Variants in GRM8 observed in about 807,000 individuals in gnomAD.
GRM8 encodes metabotropic glutamate receptor 8.
A neutral mutation model predicts 87.2 loss-of-function variants in GRM8; 47 were observed. The ratio of observed to expected loss-of-function variants is 0.54; its 90% CI spans 0.43 to 0.69. The LOEUF (loss-of-function observed/expected upper bound fraction) is 0.69. Among genes scored for constraint, GRM8 ranks in the 30% least tolerant of loss-of-function variants. GRM8 has a pLI of 0.00. For synonymous variants in GRM8, 396 were observed against 404.5 expected (o/e 0.98, Z 0.25); for missense variants, 1,019 against 1,139.2 (o/e 0.89, Z 1.52).
chr7:126,445,898 T>C (rs1801964045), intron 10 of GRM8, among the ~76,000 whole-genome samples: 1 of 151,988 alleles, frequency 6.6e-6, no homozygotes, highest in Non-Finnish European at 1.5e-5. Context: ...AATGTCATGC[T>C]TTGTAAAAGA....
At chr7:126,647,333 AG>A (rs1803249610) in intron 7 of GRM8, among the ~76,000 whole-genome samples, 3 of 65,262 alleles carry the variant, frequency 4.6e-5, no homozygotes, top group African/African-American at 1.3e-4. Context: ...ATAGATAGAT[AG>A]ATAGATAGAT....
chr7:127,004,711 A>T (rs1814091605), intron 3 of GRM8, among the ~76,000 whole-genome samples: 1 of 151,654 alleles, frequency 6.6e-6, no homozygotes, highest in Non-Finnish European at 1.5e-5. Flanking sequence ...ATACATATAA[A>T]CACAGAGAGA....
chr7:127,217,380 G>C (rs1288277946), intron 2 of GRM8, among the ~76,000 whole-genome samples: 1 of 152,176 alleles, frequency 6.6e-6, no homozygotes, highest in Non-Finnish European at 1.5e-5. Flanking sequence ...TTACTGGCAG[G>C]CATGGTGGAA....
intron 6 of GRM8, among the ~76,000 whole-genome samples, chr7:126,835,265 T>C (rs1042450243): frequency 9.9e-5 from 15 of 152,222 alleles, no homozygotes; most frequent in African/African-American, 3.6e-4. Context: ...CACTGTTTGT[T>C]ATTAAGCTAT....
intron 3 of GRM8, among the ~76,000 whole-genome samples, chr7:127,036,894 C>G (rs1817902268): frequency 6.6e-6 from 1 of 152,148 alleles, no homozygotes; most frequent in Non-Finnish European, 1.5e-5. Context: ...CTATCCTAAG[C>G]AAGTAAACAG....
chr7:127,073,893 AAGTTTTTGTAAGG>A (rs1821983391), intron 3 of GRM8, among the ~76,000 whole-genome samples: 1 of 152,220 alleles, frequency 6.6e-6, no homozygotes, highest in African/African-American at 2.4e-5. Context: ...AAATAGTTTG[AAGTTTTTGTAAGG>A]AGTTTTTGTC....
intron 2 of GRM8, among the ~76,000 whole-genome samples, chr7:127,220,474 A>C (rs1176476718): frequency 1.3e-5 from 2 of 152,182 alleles, no homozygotes; most frequent in East Asian, 1.9e-4. Flanking sequence ...TGCTGAACAC[A>C]TTCTTTTAAT....
chr7:127,243,329 G>C lies in GRM8; in HGVS notation c.-125C>G, dbSNP rs1162581794. 5 of 792,432 alleles carry C rather than the reference G, an allele frequency of 6.3e-6. No homozygotes were observed. Among genetic ancestry groups the C allele is most frequent in the African/African-American group, 3.5e-5 (2 of 57,930 alleles). 49.1% of individuals were successfully genotyped at this position (792,432 alleles called of 1,614,324 possible). On this transcript the variant is annotated 5_prime_UTR_variant, in exon 2 of 11. Coordinates refer to ENST00000339582, the MANE Select transcript of GRM8 (RefSeq NM_000845.3). ...GGGCCCATGGGGAAAAGGCTCTGTG[G>C]GCATTAGCAAGTTTTCTTGATTTGA...
intron 3 of GRM8, among the ~76,000 whole-genome samples, chr7:126,947,167 G>C (rs1421088027): frequency 6.6e-6 from 1 of 152,074 alleles, no homozygotes; most frequent in Non-Finnish European, 1.5e-5. Context: ...AATTGATGTA[G>C]GAAAAAAGAC....
chr7:126,843,829 G>C (rs1248651611), intron 6 of GRM8, among the ~76,000 whole-genome samples: 1 of 152,174 alleles, frequency 6.6e-6, no homozygotes, highest in Non-Finnish European at 1.5e-5. Context: ...TTTTATTCAA[G>C]ACAGCACAGA....
chr7:126,775,335 G>C (rs551678782), intron 6 of GRM8, among the ~76,000 whole-genome samples: 29 of 152,140 alleles, frequency 1.9e-4, no homozygotes, highest in African/African-American at 6.3e-4. Flanking sequence ...CCAGGAATAA[G>C]ACTGTCATGC....
At chr7:126,855,800 C>T (rs1797626463) in intron 6 of GRM8, among the ~76,000 whole-genome samples, 1 of 152,042 alleles carries the variant, frequency 6.6e-6, no homozygotes, top group Non-Finnish European at 1.5e-5. Flanking sequence ...ATATCCCACA[C>T]TTCCTTCCCA....
intron 2 of GRM8, chr7:127,112,304 C>G (rs1587054907): frequency 6.6e-6 from 1 of 152,368 alleles, no homozygotes; most frequent in East Asian, 1.9e-4. Context: ...CCCTGACCAC[C>G]CCATCTAGTG....
chr7:126,815,473 AAT>A (rs1169504993), intron 6 of GRM8, among the ~76,000 whole-genome samples: 8 of 152,186 alleles, frequency 5.3e-5, no homozygotes, highest in African/African-American at 1.9e-4. Flanking sequence ...CCCTAGATGT[AAT>A]ACACATCAGT....
intron 8 of GRM8, among the ~76,000 whole-genome samples, chr7:126,603,993 A>G (rs1585193227): frequency 7.5e-6 from 1 of 132,982 alleles, no homozygotes; most frequent in South Asian, 2.7e-4. Flanking sequence ...TGATTTTTGC[A>G]TTAAAAAAAA....
At chr7:127,004,931 A>T (rs974410126) in intron 3 of GRM8, among the ~76,000 whole-genome samples, 1 of 151,628 alleles carries the variant, frequency 6.6e-6, no homozygotes, top group African/African-American at 2.4e-5. Context: ...ACAATTATTG[A>T]TTTGCCTAGA....
At chr7:127,229,328 G>GT (rs1350676941) in intron 2 of GRM8, 1 of 152,164 alleles carries the variant, frequency 6.6e-6, no homozygotes, top group African/African-American at 2.4e-5. Context: ...GTGGTGCTGG[G>GT]TTTTTTCATT....
chr7:126,515,521 C>T (rs1812041479), intron 9 of GRM8, among the ~76,000 whole-genome samples: 1 of 152,110 alleles, frequency 6.6e-6, no homozygotes, highest in African/African-American at 2.4e-5. Context: ...CACAAAGTCA[C>T]TGCCCTGCAG....
At chr7:126,751,656 T>C (rs1404384766) in intron 7 of GRM8, among the ~76,000 whole-genome samples, 1 of 152,182 alleles carries the variant, frequency 6.6e-6, no homozygotes, top group African/African-American at 2.4e-5. Context: ...CATTGCACTT[T>C]ATTACTAGCT....
Sources: allele counts gnomAD v4.1 joint callset (sites outside exome capture counted in the v4.1 genomes callset), GRCh38; gene constraint gnomAD v4.1.1; transcripts MANE v1.5; gene names NCBI Gene and HGNC (gene_info 2026-07-23, HGNC 2026-07-21).